Variants in EIF3B observed in about 807,000 individuals in gnomAD.
EIF3B encodes eukaryotic translation initiation factor 3 subunit B, also known as eukaryotic translation initiation factor 3 subunit 9.
EIF3B carries 10 observed loss-of-function variants against 104.6 expected under a neutral mutation model. The ratio of observed to expected loss-of-function variants is 0.10; its 90% CI spans 0.06 to 0.16. The LOEUF (loss-of-function observed/expected upper bound fraction) is 0.16, where lower values mean the gene tolerates loss of function less well. Among genes scored for constraint, EIF3B ranks in the 10% least tolerant of loss-of-function variants. The pLI, the probability that EIF3B is intolerant of heterozygous loss-of-function variation, is 1.00. For missense variants in EIF3B, 1,014 were observed against 1,087.9 expected (o/e 0.93, Z 0.96); for synonymous variants, 542 against 417.2 (o/e 1.30, Z -3.65).
chr7:2,362,591 A>T, intron 2 of EIF3B, 54 bp from the exon 3 acceptor site: 1 of 1,609,482 alleles, frequency 6.2e-7, no homozygotes, highest in Non-Finnish European at 8.5e-7. Context: ...CGGACAGCGC[A>T]TACCTGCCTA....
Position 2,354,919 on chromosome 7 carries a change from C to G in EIF3B, c.-3C>G, listed in dbSNP as rs778542843. 8.1e-7 allele frequency: 1 copy of G among 1,227,642 alleles called. No homozygotes were observed. The highest frequency in any genetic ancestry group is 1.0e-6 in the Non-Finnish European group (1 of 976,740). The allele number at this position is 1,227,642 out of a possible 1,614,324, so 76.0% of individuals were successfully genotyped here. Reference sequence around the variant, plus strand: ...AGCCCTGCGAGTAGGCAGCGTTGGGCCCATGCAGGACGCGGAGAACGTGGC... The same window carrying G: ...AGCCCTGCGAGTAGGCAGCGTTGGGGCCATGCAGGACGCGGAGAACGTGGC... On this transcript the variant is annotated 5_prime_UTR_variant, in exon 1 of 19. Coordinates refer to ENST00000360876, the MANE Select transcript of EIF3B (RefSeq NM_001037283.2).
At chr7:2,355,728 T>A (rs1195872555) in intron 1 of EIF3B, among the ~76,000 whole-genome samples, 1 of 152,152 alleles carries the variant, frequency 6.6e-6, no homozygotes, top group Non-Finnish European at 1.5e-5. Context: ...CCGTTATGGC[T>A]GGGTGTGCTG....
rs534419537 is a variant in EIF3B, at chr7:2,365,267, C to T, written c.1157+738C>T. Among the ~76,000 whole-genome samples the T allele has an allele frequency of 3.0e-4, 46 of 152,292 alleles. 1 individual carries two copies. In the South Asian group the frequency reaches 9.1e-3, roughly 30 times the overall value. ...ACCTGGCCGAGCCGTGATTTTTGAT[C>T]TAGCTAATCCGGCTGTCGGAGGCCT... On this transcript the variant is annotated intron_variant, in intron 6 of 18. Coordinates refer to ENST00000360876, the MANE Select transcript of EIF3B (RefSeq NM_001037283.2).
rs140966991 is a variant in EIF3B, at chr7:2,358,473, T to C, written c.500-2237T>C. Among the ~76,000 whole-genome samples, 190 of 150,296 alleles carry C rather than the reference T, an allele frequency of 1.3e-3. 4 individuals carry two copies. The South Asian group carries it at 0.02, about 16-fold the overall frequency. ...ACCATGCCCAGCCAACTTTTGAGAA[T>C]AAATACAGTAAAGAATATTTTCGGA... On this transcript the variant is annotated intron_variant, in intron 1 of 18. Transcript: ENST00000360876.
chr7:2,360,529 C>T (rs41273057), intron 1 of EIF3B, among the ~76,000 whole-genome samples, 181 bp from the exon 2 acceptor site: 2 of 150,186 alleles, frequency 1.3e-5, no homozygotes, highest in Non-Finnish European at 2.9e-5. Flanking sequence ...AGGAGAGTTC[C>T]AGTCCCCCCA....
At chr7:2,370,372 G>T (rs1780264540) in intron 10 of EIF3B, among the ~76,000 whole-genome samples, 1 of 152,006 alleles carries the variant, frequency 6.6e-6, no homozygotes, top group Non-Finnish European at 1.5e-5. Flanking sequence ...AGCTACTCGG[G>T]AGGCTGAGGC....
At chr7:2,371,138 G>C (rs1250854115) in intron 10 of EIF3B, among the ~76,000 whole-genome samples, 5 of 152,340 alleles carry the variant, frequency 3.3e-5, no homozygotes, top group Admixed American at 1.3e-4. Context: ...TCTCCGCCCA[G>C]CTCCTGGCAT....
intron 1 of EIF3B, among the ~76,000 whole-genome samples, chr7:2,358,871 G>A (rs918021563): frequency 2.6e-5 from 4 of 152,110 alleles, no homozygotes; most frequent in African/African-American, 7.2e-5. Context: ...GCAGCCCTGC[G>A]AGGCATTTCA....
intron 1 of EIF3B, among the ~76,000 whole-genome samples, chr7:2,358,870 C>A (rs775596051): frequency 6.6e-6 from 1 of 152,118 alleles, no homozygotes; most frequent in Admixed American, 6.6e-5. Context: ...AGCAGCCCTG[C>A]GAGGCATTTC....
intron 14 of EIF3B, chr7:2,376,099 G>T (rs1372881137): frequency 6.4e-6 from 1 of 155,608 alleles, no homozygotes; most frequent in Non-Finnish European, 1.4e-5. Flanking sequence ...TACTGCAAGT[G>T]TCTAGAGTTA....
intron 12 of EIF3B, 41 bp downstream of exon 12, chr7:2,372,836 A>G (rs965043811): frequency 1.0e-5 from 16 of 1,599,994 alleles, no homozygotes; most frequent in African/African-American, 1.3e-5. Context: ...GTAGGTCAGC[A>G]CAGATGATGA....
intron 2 of EIF3B, 98 bp downstream of exon 2, chr7:2,361,000 C>T: frequency 1.9e-6 from 2 of 1,027,370 alleles, no homozygotes; most frequent in Non-Finnish European, 2.8e-6. Context: ...CCTGCCTTGC[C>T]CAGGCACGTG....
chr7:2,376,526 T>C (rs925263997), intron 14 of EIF3B: 2 of 155,312 alleles, frequency 1.3e-5, no homozygotes, highest in African/African-American at 4.8e-5. Flanking sequence ...TTAGCTTACA[T>C]CCAGCACAGG....
At chr7:2,360,664 GT>G in intron 1 of EIF3B, 45 bp from the exon 2 acceptor site, 11 of 1,495,048 alleles carry the variant, frequency 7.4e-6, no homozygotes, top group Non-Finnish European at 8.2e-6. Context: ...ATGTATTAAT[GT>G]TTTTCTTGGT....
intron 14 of EIF3B, 70 bp downstream of exon 14, chr7:2,375,597 G>A: frequency 6.2e-7 from 1 of 1,605,722 alleles, no homozygotes; most frequent in Admixed American, 1.7e-5. Context: ...GCTGACTCTG[G>A]TGCTGTCCTG....
At chr7:2,360,159 C>G (rs1583151789) in intron 1 of EIF3B, among the ~76,000 whole-genome samples, 1 of 152,206 alleles carries the variant, frequency 6.6e-6, no homozygotes, top group Admixed American at 6.5e-5. Flanking sequence ...TTACTACTTT[C>G]ATCCCAGTTC....
intron 10 of EIF3B, among the ~76,000 whole-genome samples, chr7:2,371,458 C>G (rs971120071): frequency 1.3e-5 from 2 of 152,228 alleles, no homozygotes; most frequent in Non-Finnish European, 2.9e-5. Flanking sequence ...GCCCTCAGGA[C>G]CCTGGCCTGC....
rs777353009 is a variant in EIF3B, at chr7:2,355,247, G to A, written c.326G>A (p.Gly109Glu). Residue 109 changes from glycine to glutamate, a missense_variant, in exon 1 of 19, where the codon GGA becomes GAA. Gly to Glu is a moderately conservative substitution (Grantham distance 98). Coordinates refer to ENST00000360876, the MANE Select transcript of EIF3B (RefSeq NM_001037283.2). ...PPVPAQGEAP[G>E]EQARDERSDS... is the part of the protein sequence containing the mutation. ...GTCCCGGCACAGGGCGAGGCCCCAG[G>A]AGAGCAGGCTCGGGACGAGCGCTCC... The A allele has an allele frequency of 6.6e-6, 10 of 1,525,330 alleles. No homozygotes were observed. In the East Asian group the frequency reaches 1.8e-4, roughly 27 times the overall value. The allele number at this position is 1,525,330 out of a possible 1,614,324, so 94.5% of individuals were successfully genotyped here. A position where few individuals can be genotyped will look rare whatever the true frequency, so the allele number is the denominator to read the frequency against.
At chr7:2,367,584 C>G (rs1239729508) in intron 9 of EIF3B, among the ~76,000 whole-genome samples, 3 of 152,038 alleles carry the variant, frequency 2.0e-5, no homozygotes, top group African/African-American at 7.2e-5. Context: ...ATTCTTCTGC[C>G]TCAACCTCCC....
Sources: allele counts gnomAD v4.1 joint callset (sites outside exome capture counted in the v4.1 genomes callset), GRCh38; gene constraint gnomAD v4.1.1; transcripts MANE v1.5; gene names NCBI Gene and HGNC (gene_info 2026-07-23, HGNC 2026-07-21).